The following ULK4 variants were observed in gnomAD, a reference collection of about 807,000 sequenced individuals.
The protein encoded by ULK4 is unc-51 like kinase 4, also known as inactive serine/threonine-protein kinase ULK4.
ULK4 carries 133 observed loss-of-function variants against 160.6 expected under a neutral mutation model. The observed-to-expected ratio is 0.83, with a 90% CI of 0.72 to 0.96. ULK4 has a LOEUF of 0.96. Ranked by LOEUF, ULK4 falls within the 40% of genes least tolerant of loss-of-function variation. The pLI is 0.00. For synonymous variants in ULK4, 534 were observed against 539.8 expected (o/e 0.99, Z 0.15); for missense variants, 1,580 against 1,499.5 (o/e 1.05, Z -0.89).
chr3:41,527,719 G>C (rs1412594514), intron 32 of ULK4, among the ~76,000 whole-genome samples: 1 of 152,074 alleles, frequency 6.6e-6, no homozygotes, highest in African/African-American at 2.4e-5. Context: ...ACCTTTTCAT[G>C]AGTATAAAAA....
intron 5 of ULK4, among the ~76,000 whole-genome samples, chr3:41,928,163 G>T (rs1291586239): frequency 6.6e-6 from 1 of 152,190 alleles, no homozygotes; most frequent in Non-Finnish European, 1.5e-5. Context: ...TCAGACCACA[G>T]TGCAATAAAT....
intron 21 of ULK4, among the ~76,000 whole-genome samples, chr3:41,778,206 C>T (rs1200122409): frequency 1.1e-5 from 1 of 95,058 alleles, no homozygotes; most frequent in Non-Finnish European, 1.9e-5. Context: ...AACAGAGAGC[C>T]AAATCATGGG....
chr3:41,858,595 C>T (rs149837256), intron 17 of ULK4, among the ~76,000 whole-genome samples: 23 of 147,666 alleles, frequency 1.6e-4, no homozygotes, highest in Admixed American at 5.5e-4. Context: ...TGGACTCAAG[C>T]AATCCTCCCA....
At chr3:41,840,604 G>A (rs1180580397) in intron 17 of ULK4, among the ~76,000 whole-genome samples, 2 of 152,230 alleles carry the variant, frequency 1.3e-5, no homozygotes, top group Non-Finnish European at 2.9e-5. Flanking sequence ...TCCGGCTCCT[G>A]ACCTCGAGTG....
chr3:41,253,833 C>T (rs1183180650), intron 35 of ULK4, among the ~76,000 whole-genome samples: 1 of 152,088 alleles, frequency 6.6e-6, no homozygotes, highest in African/African-American at 2.4e-5. Context: ...ACCATGCACA[C>T]ATAAATCAAA....
intron 35 of ULK4, among the ~76,000 whole-genome samples, chr3:41,385,850 G>A (rs2125800459): frequency 6.6e-6 from 1 of 152,278 alleles, no homozygotes; most frequent in East Asian, 1.9e-4. Context: ...GCTGAGACTG[G>A]AACCCAGGGC....
intron 35 of ULK4, among the ~76,000 whole-genome samples, chr3:41,280,337 T>C (rs563884935): frequency 2.6e-4 from 39 of 152,174 alleles, no homozygotes; most frequent in Admixed American, 1.6e-3. Context: ...ACTCTCCACC[T>C]CAAATAAACA....
At chr3:41,384,918 G>T (rs1238543013) in intron 35 of ULK4, among the ~76,000 whole-genome samples, 1 of 152,084 alleles carries the variant, frequency 6.6e-6, no homozygotes, top group Non-Finnish European at 1.5e-5. Context: ...AGCTGGGCAT[G>T]CTGGTGCATG....
At chr3:41,955,600 C>CTTTGAATGTAAAG (rs1700455594) in intron 1 of ULK4, 1 of 155,792 alleles carries the variant, frequency 6.4e-6, no homozygotes, top group Non-Finnish European at 1.5e-5. Flanking sequence ...TGGCTTTACT[C>CTTTGAATGTAAAG]CCTACGAGCT....
chr3:41,786,485 C>T (rs1000935207), intron 21 of ULK4, among the ~76,000 whole-genome samples: 2 of 151,578 alleles, frequency 1.3e-5, no homozygotes, highest in African/African-American at 2.4e-5. Context: ...GCCAGTAGTC[C>T]CAGCTACTCA....
intron 32 of ULK4, among the ~76,000 whole-genome samples, chr3:41,474,578 C>A (rs748854583): frequency 3.3e-5 from 5 of 151,828 alleles, no homozygotes; most frequent in Non-Finnish European, 5.9e-5. Flanking sequence ...AAGCTACAGA[C>A]TGAGAGAAAA....
intron 29 of ULK4, among the ~76,000 whole-genome samples, chr3:41,679,176 A>G (rs905379568): frequency 3.3e-5 from 5 of 152,278 alleles, no homozygotes; most frequent in African/African-American, 1.2e-4. Flanking sequence ...GCCCTATTAC[A>G]ATCTTTACTT....
intron 2 of ULK4, among the ~76,000 whole-genome samples, chr3:41,943,816 T>C (rs1700035305): frequency 6.6e-6 from 1 of 152,166 alleles, no homozygotes; most frequent in South Asian, 2.1e-4. Flanking sequence ...CAAACTTCAC[T>C]TACATTATAC....
chr3:41,789,915 T>C (rs1349047807), intron 20 of ULK4, 72 bp from the exon 21 acceptor site: 2 of 1,321,412 alleles, frequency 1.5e-6, no homozygotes, highest in South Asian at 3.9e-5. Flanking sequence ...AGGTAACACA[T>C]GCTTCTGTGT....
chr3:41,959,622 G>C (rs987949826), intron 1 of ULK4, among the ~76,000 whole-genome samples: 1 of 151,962 alleles, frequency 6.6e-6, no homozygotes, highest in African/African-American at 2.4e-5. Flanking sequence ...ATCCCTCTTC[G>C]TTCTAAAACC....
chr3:41,523,367 C>G (rs1412422120), intron 32 of ULK4, among the ~76,000 whole-genome samples: 1 of 152,146 alleles, frequency 6.6e-6, no homozygotes, highest in Non-Finnish European at 1.5e-5. Context: ...TGTTACAGGG[C>G]ATTCTGGGAC....
intron 34 of ULK4, among the ~76,000 whole-genome samples, chr3:41,412,212 C>T (rs2082423035): frequency 6.6e-6 from 1 of 152,050 alleles, no homozygotes; most frequent in South Asian, 2.1e-4. Context: ...ATTTGAAATG[C>T]TTAGGGATAA....
chr3:41,614,020 G>T (rs150785616), intron 31 of ULK4, among the ~76,000 whole-genome samples: 187 of 152,318 alleles, frequency 1.2e-3, no homozygotes, highest in African/African-American at 4.4e-3. Flanking sequence ...AAAATGGTTT[G>T]TAAAATACAA....
At chr3:41,818,557 C>A (rs1176434519) in intron 19 of ULK4, among the ~76,000 whole-genome samples, 1 of 152,074 alleles carries the variant, frequency 6.6e-6, no homozygotes, top group East Asian at 1.9e-4. Flanking sequence ...ACATCATATC[C>A]CATAATGACA....
Sources: allele counts gnomAD v4.1 joint callset (sites outside exome capture counted in the v4.1 genomes callset), GRCh38; gene constraint gnomAD v4.1.1; transcripts MANE v1.5; gene names NCBI Gene and HGNC (gene_info 2026-07-23, HGNC 2026-07-21).